SGK1: variants seen among roughly 807,000 people sequenced by gnomAD.
The protein encoded by SGK1 is serum/glucocorticoid regulated kinase 1, also known as serine/threonine-protein kinase Sgk1.
Under a neutral mutation model 64.2 loss-of-function variants are expected in SGK1, and 26 were observed. That is an observed-to-expected ratio of 0.40 (90% CI 0.30 to 0.56). The LOEUF (loss-of-function observed/expected upper bound fraction) is 0.56. SGK1 is among the 20% of genes least tolerant of loss of function. The pLI is 0.38. For missense variants in SGK1, 519 were observed against 645.6 expected, an observed-to-expected ratio of 0.80 and a Z score of 2.12; for synonymous variants, 265 against 239.7, an observed-to-expected ratio of 1.11 and a Z score of -0.98.
intron 3 of SGK1, among the ~76,000 whole-genome samples, chr6:134,207,022 G>A (rs886418442): frequency 7.9e-5 from 12 of 152,020 alleles, no homozygotes; most frequent in African/African-American, 2.2e-4. Context: ...TCAGGAGATC[G>A]AGACCATCCT....
intron 1 of SGK1, among the ~76,000 whole-genome samples, chr6:134,284,738 C>T (rs1262509145): frequency 4.3e-4 from 66 of 152,120 alleles, no homozygotes; most frequent in Admixed American, 4.3e-3. Context: ...CCTGCCTTGG[C>T]CTCCCAAAGT....
chr6:134,202,351 T>C (rs1466777003), intron 3 of SGK1, among the ~76,000 whole-genome samples: 1 of 152,102 alleles, frequency 6.6e-6, no homozygotes, highest in African/African-American at 2.4e-5. Context: ...AGAAGACTTA[T>C]AAGAAATCCT....
intron 1 of SGK1, among the ~76,000 whole-genome samples, chr6:134,306,805 C>T (rs141427311): frequency 0.014 from 2,080 of 151,358 alleles, 19 homozygotes; most frequent in Middle Eastern, 0.024. Context: ...CTGAGCTCGA[C>T]CTGGAAGCTT....
chr6:134,176,766 T>G (rs1775244439), intron 3 of SGK1, among the ~76,000 whole-genome samples: 1 of 152,188 alleles, frequency 6.6e-6, no homozygotes, highest in Non-Finnish European at 1.5e-5. Flanking sequence ...GGGGTTTGTT[T>G]TGCAGGCAAA....
chr6:134,289,986 TA>T (rs1275857856), intron 1 of SGK1, among the ~76,000 whole-genome samples: 2 of 151,320 alleles, frequency 1.3e-5, no homozygotes, highest in African/African-American at 4.9e-5. Context: ...CCATCTCTAC[TA>T]AAAAAATACA....
At chr6:134,179,620 TA>T (rs1413176509) in intron 3 of SGK1, among the ~76,000 whole-genome samples, 1 of 151,972 alleles carries the variant, frequency 6.6e-6, no homozygotes, top group Non-Finnish European at 1.5e-5. Context: ...GGTTGTATAG[TA>T]ATTATTACCT....
intron 1 of SGK1, among the ~76,000 whole-genome samples, chr6:134,301,596 C>T (rs1463503248): frequency 6.8e-6 from 1 of 146,134 alleles, no homozygotes; most frequent in Non-Finnish European, 1.5e-5. Context: ...CCCTTCTCTT[C>T]TCTTTTCTTT....
chr6:134,314,940 T>C (rs1582782014), intron 1 of SGK1, among the ~76,000 whole-genome samples: 1 of 152,148 alleles, frequency 6.6e-6, no homozygotes, highest in South Asian at 2.1e-4. Flanking sequence ...AAATGAATTA[T>C]TCTGAACTGC....
chr6:134,283,557 A>G (rs564052788), intron 1 of SGK1, among the ~76,000 whole-genome samples: 9 of 152,012 alleles, frequency 5.9e-5, no homozygotes, highest in Admixed American at 3.9e-4. Flanking sequence ...GGACACATCA[A>G]AGAAGTCTGG....
rs141890757 is a variant in SGK1 at position 134,172,273 on chromosome 6, T to C, written c.991A>G (p.Ile331Val). ...CAGAGTCCGAAGTCAGTAAGGACAA[T>C]GTGTCCCTGTGAATCTAGCAAAATA... ...ENILLDSQGH[I>V]VLTDFGLCKE... The change falls in exon 10 of 14, where the codon ATT (isoleucine) becomes GTT (valine). Residue 331 changes from isoleucine to valine, a missense_variant. Ile to Val is a conservative substitution (Grantham distance 29). Transcript: ENST00000367858. The C allele has an allele frequency of 3.7e-6, 6 of 1,613,686 alleles. No homozygotes were observed. In the South Asian group the frequency reaches 6.6e-5, roughly 18 times the overall value.
chr6:134,204,774 T>C (rs948174586), intron 3 of SGK1, among the ~76,000 whole-genome samples: 2 of 152,036 alleles, frequency 1.3e-5, no homozygotes, highest in Non-Finnish European at 2.9e-5. Flanking sequence ...GGCTGGTCTC[T>C]AACTCCTGAC....
At chr6:134,282,586 GAGGTTGC>G (rs886226375) in intron 1 of SGK1, among the ~76,000 whole-genome samples, 1 of 151,358 alleles carries the variant, frequency 6.6e-6, no homozygotes, top group Non-Finnish European at 1.5e-5. Flanking sequence ...CTGGGAGGCG[GAGGTTGC>G]AGTGAGCTGA....
At chr6:134,307,635 C>T (rs1383774679) in intron 1 of SGK1, among the ~76,000 whole-genome samples, 1 of 152,152 alleles carries the variant, frequency 6.6e-6, no homozygotes, top group Non-Finnish European at 1.5e-5. Context: ...AGTTGTTATA[C>T]TGTATTGCTT....
At chr6:134,264,900 G>A (rs956571755) in intron 1 of SGK1, among the ~76,000 whole-genome samples, 2 of 152,092 alleles carry the variant, frequency 1.3e-5, no homozygotes, top group Non-Finnish European at 2.9e-5. Flanking sequence ...CTCCCACTTT[G>A]GCTTCCCAAA....
At chr6:134,243,878 T>C (rs1776485636) in intron 2 of SGK1, among the ~76,000 whole-genome samples, 1 of 152,174 alleles carries the variant, frequency 6.6e-6, no homozygotes, top group African/African-American at 2.4e-5. Context: ...GAGAATTAAG[T>C]CTTGATGTGA....
At chr6:134,226,583 AC>A (rs1403824939) in intron 2 of SGK1, among the ~76,000 whole-genome samples, 1 of 151,740 alleles carries the variant, frequency 6.6e-6, no homozygotes, top group African/African-American at 2.4e-5. Flanking sequence ...AGTCCCAGCT[AC>A]CTGGGAAGCT....
rs71003671 is a variant in SGK1, at chr6:134,191,835, A to ATTTTTTTTTTTTTTTTTTT, written c.361+15520_361+15521insAAAAAAAAAAAAAAAAAAA. 8.7e-4 allele frequency among the ~76,000 whole-genome samples: 53 copies of ATTTTTTTTTTTTTTTTTTT among 61,196 alleles called. 9 individuals are homozygous for ATTTTTTTTTTTTTTTTTTT. Among genetic ancestry groups the ATTTTTTTTTTTTTTTTTTT allele is most frequent in the African/African-American group, 3.6e-3 (53 of 14,860 alleles). 40.1% of individuals were successfully genotyped at this position (61,196 alleles called of 152,430 possible). A position where few individuals can be genotyped will look rare whatever the true frequency, so the allele number is the denominator to read the frequency against. On this transcript the variant is annotated intron_variant, in intron 3 of 13. Transcript: ENST00000367858. Reference sequence around the variant, plus strand: ...AGGCATGCGCCACCACGCCCGGCTGATTTTTTTTTTTTTTTTTTGAGACAG... The same window carrying ATTTTTTTTTTTTTTTTTTT: ...AGGCATGCGCCACCACGCCCGGCTGATTTTTTTTTTTTTTTTTTTTTTTTTTTTTTTTTTTTTGAGACAG...
chr6:134,285,429 G>A (rs1777167998), intron 1 of SGK1, among the ~76,000 whole-genome samples: 1 of 146,100 alleles, frequency 6.8e-6, no homozygotes, highest in African/African-American at 2.6e-5. Context: ...AGCGAGCTGA[G>A]ATCCTGCCAC....
Position 134,192,504 on chromosome 6 carries a change from T to C in SGK1, c.361+14852A>G, listed in dbSNP as rs191632406. On this transcript the variant is annotated intron_variant, in intron 3 of 13. Coordinates refer to ENST00000367858, the MANE Select transcript of SGK1 (RefSeq NM_001143676.3). ...CTTCAATCAACTCTCTTGAATTCGC[T>C]GGGGACCCTCTGCTCTAAAATATAG... Among the ~76,000 whole-genome samples, 3 of 152,308 alleles carry C rather than the reference T, an allele frequency of 2.0e-5. No homozygotes were observed. The East Asian group carries it at 5.8e-4, about 29-fold the overall frequency.
Sources: allele counts gnomAD v4.1 joint callset (sites outside exome capture counted in the v4.1 genomes callset), GRCh38; gene constraint gnomAD v4.1.1; transcripts MANE v1.5; gene names NCBI Gene and HGNC (gene_info 2026-07-23, HGNC 2026-07-21).